DPH6: variants seen among roughly 807,000 people sequenced by gnomAD.
The protein encoded by DPH6 is diphthine--ammonia ligase.
DPH6 carries 33 observed loss-of-function variants against 38.2 expected under a neutral mutation model. The ratio of observed to expected loss-of-function variants is 0.86; its 90% CI spans 0.65 to 1.15. The LOEUF (loss-of-function observed/expected upper bound fraction) is 1.15, where lower values mean the gene tolerates loss of function less well. Among genes scored for constraint, DPH6 ranks in the 50% most tolerant of loss-of-function variants. The probability of loss-of-function intolerance (pLI) is 0.00; values close to 1 mark genes in which losing one functional copy is unlikely to be tolerated. For missense variants in DPH6, 325 were observed against 320.0 expected, an observed-to-expected ratio of 1.02 and a Z score of -0.12; for synonymous variants, 108 against 103.0, an observed-to-expected ratio of 1.05 and a Z score of -0.30.
At chr15:35,362,216 T>C (rs566989837) in intron 3 of DPH6, among the ~76,000 whole-genome samples, 8 of 152,278 alleles carry the variant, frequency 5.3e-5, no homozygotes, top group African/African-American at 1.9e-4. Flanking sequence ...TTTCAGAAGC[T>C]TGTGATCTCT....
At chr15:35,436,118 A>G (rs938363951) in intron 5 of DPH6, among the ~76,000 whole-genome samples, 3 of 151,882 alleles carry the variant, frequency 2.0e-5, no homozygotes, top group Non-Finnish European at 2.9e-5. Context: ...CGACACCTCC[A>G]TGGAGTCCCC....
At chr15:35,390,464 C>T (rs2053038128) in intron 6 of DPH6, among the ~76,000 whole-genome samples, 1 of 152,240 alleles carries the variant, frequency 6.6e-6, no homozygotes. Flanking sequence ...TTCTCCCCAT[C>T]ACTTTCAGGT....
intron 3 of DPH6, among the ~76,000 whole-genome samples, chr15:35,496,555 C>CAAAAAAAAAAAAAAAAAAA (rs1180094812): frequency 6.1e-5 from 3 of 49,258 alleles, no homozygotes; most frequent in African/African-American, 1.2e-4. Context: ...AGTTCCATCT[C>CAAAAAAAAAAAAAAAAAAA]AAAAAAAAAA....
At chr15:35,163,155 T>A in the DPH6 span, among the ~76,000 whole-genome samples, 4 of 151,972 alleles carry the variant, frequency 2.6e-5, no homozygotes, top group East Asian at 5.8e-4. Context: ...GCTAGAGATA[T>A]CACATATTAT....
chr15:35,228,549 C>T (rs113822528), intron 3 of DPH6, among the ~76,000 whole-genome samples: 89 of 152,278 alleles, frequency 5.8e-4, no homozygotes, highest in African/African-American at 1.9e-3. Flanking sequence ...CCACCTCAGC[C>T]ACCAAGTAGC....
the DPH6 span, among the ~76,000 whole-genome samples, chr15:35,181,611 C>G: frequency 2.0e-5 from 3 of 151,978 alleles, no homozygotes; most frequent in African/African-American, 7.2e-5. Context: ...AACTGTCTTA[C>G]ATGATCAGAA....
At chr15:35,370,004 T>C (rs931393899), downstream of DPH6, among the ~76,000 whole-genome samples, 1 of 151,830 alleles carries the variant, frequency 6.6e-6, no homozygotes, top group Non-Finnish European at 1.5e-5. Flanking sequence ...ACTGTGGTAT[T>C]TGCAAAAGAG....
At position 35,371,918 on chromosome 15, in the gene DPH6, T is replaced by C. The variant is rs929099018; in HGVS notation, c.*232A>G. 8.2e-7 allele frequency: 1 copy of C among 1,222,496 alleles called. No homozygotes were observed. Among genetic ancestry groups the C allele is most frequent in the East Asian group, 4.2e-5 (1 of 24,060 alleles). 75.7% of individuals were successfully genotyped at this position (1,222,496 alleles called of 1,614,324 possible). A position where few individuals can be genotyped will look rare whatever the true frequency, so the allele number is the denominator to read the frequency against. On this transcript the variant is annotated 3_prime_UTR_variant, in exon 9 of 9. Transcript: ENST00000256538. ...AAAAAAAGGTCATAGGGAAGATGTG[T>C]TAACGAAAGAGAAAGAGTGAATTCC...
chr15:35,401,526 T>C (rs2053219309), intron 6 of DPH6: 17 of 771,740 alleles, frequency 2.2e-5, no homozygotes, highest in Middle Eastern at 3.5e-4. Flanking sequence ...GCTATAACAA[T>C]GGAGGCAGAG....
intron 6 of DPH6, chr15:35,401,078 T>G: frequency 2.2e-6 from 2 of 911,582 alleles, no homozygotes. Flanking sequence ...ACAGAAAAAT[T>G]GAAGAAAAGG....
At chr15:35,271,794 A>G (rs540116747) in intron 3 of DPH6, among the ~76,000 whole-genome samples, 2 of 152,314 alleles carry the variant, frequency 1.3e-5, no homozygotes, top group East Asian at 3.9e-4. Context: ...TGCGAGGTAG[A>G]GCAAACACCT....
At chr15:35,389,248 G>T (rs1408336946) in intron 6 of DPH6, among the ~76,000 whole-genome samples, 13 of 152,046 alleles carry the variant, frequency 8.6e-5, no homozygotes, top group Non-Finnish European at 1.6e-4. Context: ...GCTGAGGAGT[G>T]CTTTACTTCC....
chr15:35,333,944 A>G (rs1285465719), intron 3 of DPH6, among the ~76,000 whole-genome samples: 1 of 152,242 alleles, frequency 6.6e-6, no homozygotes, highest in Non-Finnish European at 1.5e-5. Context: ...CTATGCAGCC[A>G]TAAAGAAGAA....
downstream of DPH6, among the ~76,000 whole-genome samples, chr15:35,213,893 A>G (rs1002503672): frequency 6.6e-6 from 1 of 152,182 alleles, no homozygotes; most frequent in Non-Finnish European, 1.5e-5. Context: ...CGGGTGGATC[A>G]CAAGGTCAGG....
intron 3 of DPH6, among the ~76,000 whole-genome samples, chr15:35,508,691 G>A (rs961569413): frequency 5.3e-5 from 8 of 151,980 alleles, no homozygotes; most frequent in Non-Finnish European, 7.4e-5. Context: ...TTTTACTGCC[G>A]AACAAAACAT....
At chr15:35,214,111 CAAAAA>C (rs202243463), downstream of DPH6, among the ~76,000 whole-genome samples, 1 of 85,548 alleles carries the variant, frequency 1.2e-5, no homozygotes, top group Admixed American at 1.3e-4. Context: ...GACTCCGTCT[CAAAAA>C]AAAAAAAAAA....
At chr15:35,496,489 AG>A (rs1218926624) in intron 3 of DPH6, among the ~76,000 whole-genome samples, 1 of 145,654 alleles carries the variant, frequency 6.9e-6, no homozygotes, top group African/African-American at 2.5e-5. Context: ...CGGGAGGCGG[AG>A]GTTGCAGTGA....
chr15:35,498,892 G>C (rs1330956926), intron 3 of DPH6, among the ~76,000 whole-genome samples: 1 of 142,502 alleles, frequency 7.0e-6, no homozygotes, highest in Non-Finnish European at 1.5e-5. Context: ...AGAATTACTT[G>C]ATGCCAGGAC....
the DPH6 span, among the ~76,000 whole-genome samples, chr15:35,150,866 G>A: frequency 0.011 from 1,677 of 152,096 alleles, 36 homozygotes; most frequent in African/African-American, 0.038. Context: ...GTTAATAATC[G>A]AAATAAAAAC....
Sources: gnomAD v4.1 joint callset for allele counts (sites outside exome capture counted in the v4.1 genomes callset) on GRCh38, gnomAD v4.1.1 for gene constraint, MANE v1.5 for transcripts, NCBI Gene and HGNC (gene_info 2026-07-23, HGNC 2026-07-21) for gene names.